MVB12B: variants seen among roughly 807,000 people sequenced by gnomAD.
The protein encoded by MVB12B is ESCRT-I complex subunit MVB12B.
Under a neutral mutation model 41.6 loss-of-function variants are expected in MVB12B, and 16 were observed. The ratio of observed to expected loss-of-function variants is 0.38; its 90% CI spans 0.26 to 0.58. The LOEUF (loss-of-function observed/expected upper bound fraction) is 0.58. Among genes scored for constraint, MVB12B ranks in the 20% least tolerant of loss-of-function variants. The probability of loss-of-function intolerance (pLI) is 0.62; values close to 1 mark genes in which losing one functional copy is unlikely to be tolerated. For synonymous variants in MVB12B, 133 were observed against 139.7 expected (o/e 0.95, Z 0.34); for missense variants, 274 against 380.2 (o/e 0.72, Z 2.32).
At chr9:126,415,723 C>T (rs1328080007) in intron 6 of MVB12B, among the ~76,000 whole-genome samples, 3 of 152,066 alleles carry the variant, frequency 2.0e-5, no homozygotes, top group Admixed American at 2.0e-4. Context: ...TAAGCGCTCA[C>T]TGTGTACTGG....
intron 2 of MVB12B, among the ~76,000 whole-genome samples, chr9:126,346,256 G>A (rs778292818): frequency 5.3e-5 from 8 of 152,204 alleles, no homozygotes; most frequent in Admixed American, 2.6e-4. Flanking sequence ...TAGAGCCTGC[G>A]CCAGGCTATT....
intron 6 of MVB12B, among the ~76,000 whole-genome samples, chr9:126,398,587 A>G (rs556131788): frequency 7.2e-5 from 11 of 152,368 alleles, no homozygotes; most frequent in Non-Finnish European, 8.8e-5. Flanking sequence ...AGCCTTAACC[A>G]TAAACCTGAG....
rs377489989 is a variant in MVB12B, at chr9:126,503,416, A to G, written c.*153A>G. ...GGAGACTGGGCAGCTAAGTGGGCGCATCCTGTCTTCAGCTGGCCTCACTGA... is the reference window on the plus strand; with the variant it reads ...GGAGACTGGGCAGCTAAGTGGGCGCGTCCTGTCTTCAGCTGGCCTCACTGA... On this transcript the variant is annotated 3_prime_UTR_variant, in exon 10 of 10. Transcript: ENST00000361171. The G allele has an allele frequency of 1.6e-6, 1 of 638,006 alleles. No homozygotes were observed. The highest frequency in any genetic ancestry group is 1.9e-5 in the South Asian group (1 of 51,574). The allele number at this position is 638,006 out of a possible 1,614,324, so 39.5% of individuals were successfully genotyped here.
At chr9:126,420,784 C>T (rs1387040436) in intron 6 of MVB12B, among the ~76,000 whole-genome samples, 1 of 152,030 alleles carries the variant, frequency 6.6e-6, no homozygotes, top group Non-Finnish European at 1.5e-5. Flanking sequence ...CTCAGGTGAT[C>T]TACCCACCTC....
chr9:126,488,361 AAAAAT>A (rs775325763), intron 9 of MVB12B, among the ~76,000 whole-genome samples: 1,572 of 137,384 alleles, frequency 0.011, 36 homozygotes, highest in Admixed American at 0.036. Flanking sequence ...AAAAAAAAAA[AAAAAT>A]AGAGTAAATA....
intron 7 of MVB12B, among the ~76,000 whole-genome samples, chr9:126,441,604 G>A (rs2119139597): frequency 6.6e-6 from 1 of 152,322 alleles, no homozygotes; most frequent in East Asian, 1.9e-4. Context: ...CAATAAAGAT[G>A]AAAATCCGCA....
At position 126,391,285 on chromosome 9, in the gene MVB12B, A is replaced by G. The variant is rs1235329486; in HGVS notation, c.410-781A>G. ...ACAGGGGAGTGACCCGATTTCTCCA[A>G]CCTGTTAGTGCCCTGAAGAAAAGGG... On this transcript the variant is annotated intron_variant, in intron 4 of 9. Coordinates refer to ENST00000361171, the MANE Select transcript of MVB12B (RefSeq NM_033446.3). The surrounding 1 kb of genome is among the most constrained non-coding windows in gnomAD (Gnocchi z 4.4). Among the ~76,000 whole-genome samples, 5 of 152,162 alleles carry G rather than the reference A, an allele frequency of 3.3e-5. No individual in the cohort carries two copies. Among genetic ancestry groups the G allele is most frequent in the Non-Finnish European group, 7.4e-5 (5 of 68,024 alleles).
rs542661465 is a variant in MVB12B, at chr9:126,503,700, G to A, written c.*437G>A. 7.1e-5 allele frequency: 14 copies of A among 196,758 alleles called. No individual in the cohort carries two copies. Among genetic ancestry groups the A allele is most frequent in the African/African-American group, 2.6e-4 (11 of 42,624 alleles). The allele number at this position is 196,758 out of a possible 1,614,324, so 12.2% of individuals were successfully genotyped here. On this transcript the variant is annotated 3_prime_UTR_variant, in exon 10 of 10. Coordinates refer to ENST00000361171, the MANE Select transcript of MVB12B (RefSeq NM_033446.3). ...CTCTTCCTGGAAGACCCTGAGGGCC[G>A]GCAGCTTTGCCTAGGACTCTCCAGG...
At chr9:126,332,363 A>T (rs1217447903) in intron 1 of MVB12B, among the ~76,000 whole-genome samples, 1 of 152,186 alleles carries the variant, frequency 6.6e-6, no homozygotes, top group African/African-American at 2.4e-5. Context: ...CTCCAGTCTC[A>T]GTCCCAGCCT....
In MVB12B at chr9:126,473,669, C is replaced by T. The variant is rs556762879; in HGVS notation, c.758-7700C>T. 9.3e-4 allele frequency among the ~76,000 whole-genome samples: 141 copies of T among 152,292 alleles called. 2 individuals are homozygous for T. Among genetic ancestry groups the T allele is most frequent in the Non-Finnish European group, 1.6e-3 (108 of 68,022 alleles). On this transcript the variant is annotated intron_variant, in intron 7 of 9. Transcript: ENST00000361171. This position sits in a 1 kb window ranked among gnomAD's most constrained non-coding sequence, Gnocchi z 4.0. ...CAACCAGATCTCGCGAGGACTCACT[C>T]GCTATCACAAGGACAGCACCACGGG...
At chr9:126,372,874 AC>A (rs1191421506) in intron 2 of MVB12B, among the ~76,000 whole-genome samples, 2 of 152,182 alleles carry the variant, frequency 1.3e-5, no homozygotes, top group Non-Finnish European at 2.9e-5. Flanking sequence ...TTTCAACAAG[AC>A]AGATGCGAGA....
intron 9 of MVB12B, among the ~76,000 whole-genome samples, chr9:126,491,689 A>G (rs906905336): frequency 2.0e-5 from 3 of 152,320 alleles, no homozygotes; most frequent in Non-Finnish European, 2.9e-5. Flanking sequence ...CCTTTAATAT[A>G]TTGCTAAAAG....
At chr9:126,421,181 C>T (rs998547128) in intron 6 of MVB12B, among the ~76,000 whole-genome samples, 2 of 152,198 alleles carry the variant, frequency 1.3e-5, no homozygotes, top group African/African-American at 4.8e-5. Context: ...CTCACTTAGG[C>T]TGAGTGTTCT....
intron 6 of MVB12B, among the ~76,000 whole-genome samples, chr9:126,400,362 C>T (rs979064873): frequency 2.0e-5 from 3 of 152,126 alleles, no homozygotes; most frequent in Non-Finnish European, 2.9e-5. Context: ...AAGACAGCTT[C>T]CCCAAGGTGA....
At chr9:126,378,138 C>CCA in intron 2 of MVB12B, among the ~76,000 whole-genome samples, 1 of 152,344 alleles carries the variant, frequency 6.6e-6, no homozygotes, top group South Asian at 2.1e-4. Flanking sequence ...CCACCTTACC[C>CCA]CAGCTTCCTG....
chr9:126,418,531 G>T (rs932732375), intron 6 of MVB12B, among the ~76,000 whole-genome samples: 3 of 152,100 alleles, frequency 2.0e-5, no homozygotes, highest in East Asian at 1.9e-4. Flanking sequence ...CCACATTGGC[G>T]CCTTAGTTTT....
chr9:126,461,904 C>T (rs1833100141), intron 7 of MVB12B, among the ~76,000 whole-genome samples: 1 of 152,236 alleles, frequency 6.6e-6, no homozygotes, highest in Admixed American at 6.5e-5. Context: ...CATCTCCACC[C>T]AGCAGCGGAA....
chr9:126,335,329 A>C, intron 1 of MVB12B: 1 of 1,304,206 alleles, frequency 7.7e-7, no homozygotes, highest in South Asian at 1.2e-5. Context: ...ACTGTCCCCC[A>C]CGGGTGGCCC....
intron 7 of MVB12B, among the ~76,000 whole-genome samples, chr9:126,440,468 C>T (rs928090119): frequency 6.6e-6 from 1 of 152,102 alleles, no homozygotes; most frequent in Non-Finnish European, 1.5e-5. Flanking sequence ...TGTAAAAGGT[C>T]ACATGGGTGT....
Sources: gnomAD v4.1 joint callset for allele counts (sites outside exome capture counted in the v4.1 genomes callset) on GRCh38, gnomAD v4.1.1 for gene constraint, Gnocchi (gnomAD v3.1) non-coding constraint, MANE v1.5 for transcripts, NCBI Gene and HGNC (gene_info 2026-07-23, HGNC 2026-07-21) for gene names.